The following CSMD3 variants were observed in gnomAD, a reference collection of about 807,000 sequenced individuals.
CSMD3 encodes the protein CUB and sushi domain-containing protein 3.
Under a neutral mutation model 435.2 loss-of-function variants are expected in CSMD3, and 177 were observed. The ratio of observed to expected loss-of-function variants is 0.41; its 90% CI spans 0.36 to 0.46. The LOEUF (loss-of-function observed/expected upper bound fraction) is 0.46. Among genes scored for constraint, CSMD3 ranks in the 20% least tolerant of loss-of-function variants. CSMD3 has a pLI of 0.34. For missense variants in CSMD3, 4,265 were observed against 4,504.6 expected (o/e 0.95, Z 1.52); for synonymous variants, 1,656 against 1,520.5 (o/e 1.09, Z -2.07).
chr8:113,266,867 T>A (rs2093476004), intron 3 of CSMD3, among the ~76,000 whole-genome samples: 1 of 151,562 alleles, frequency 6.6e-6, no homozygotes. Flanking sequence ...TGAACTAATA[T>A]GTCCAGAATA....
intron 4 of CSMD3, among the ~76,000 whole-genome samples, chr8:113,126,509 A>G (rs941372623): frequency 3.3e-5 from 5 of 152,052 alleles, no homozygotes; most frequent in African/African-American, 1.2e-4. Context: ...GTTGATGTTA[A>G]AAGAATAGAC....
rs2130380401 is a variant in CSMD3 at position 112,263,646 on chromosome 8, C to G, written c.9855G>C (p.Gln3285His). ...AGTAGAAATCATACTTACGTAAGCA[C>G]TGCGGTACTTCACCACTCCAGGTAC... Reference protein sequence around the residue: ...GNGTWSGEVPQCLPKFCGDPG... With the variant: ...GNGTWSGEVPHCLPKFCGDPG... Residue 3285 changes from glutamine to histidine, a missense_variant, in exon 61 of 71, where the codon CAG (glutamine) becomes CAC (histidine). Around this residue, in one of 3 missense-constraint regions of CSMD3, gnomAD observed 3,255 missense variants for 3,380.2 expected, o/e 0.96. Coordinates refer to ENST00000297405, the MANE Select transcript of CSMD3 (RefSeq NM_198123.2). 4 of 1,613,178 alleles carry G rather than the reference C, an allele frequency of 2.5e-6. No homozygotes were observed. The highest frequency in any genetic ancestry group is 3.4e-6 in the Non-Finnish European group (4 of 1,179,432).
chr8:113,005,326 T>C (rs1323030289), intron 6 of CSMD3, among the ~76,000 whole-genome samples: 1 of 151,964 alleles, frequency 6.6e-6, no homozygotes, highest in Admixed American at 6.6e-5. Context: ...AAAAATGTCA[T>C]CTTAGGACAG....
chr8:112,686,467 C>T (rs1035587303), intron 14 of CSMD3, among the ~76,000 whole-genome samples: 1 of 151,372 alleles, frequency 6.6e-6, no homozygotes, highest in African/African-American at 2.4e-5. Context: ...GATATATTAT[C>T]TTCCAAAGTT....
At position 112,336,712 on chromosome 8, in the gene CSMD3, C is replaced by T. The variant is rs760003762; in HGVS notation, c.6959G>A (p.Gly2320Asp). 2 of 1,613,182 alleles carry T rather than the reference C, an allele frequency of 1.2e-6. No homozygotes were observed. Residue 2320 changes from glycine to aspartate, a missense_variant, in exon 44 of 71, where the codon GGC (glycine) becomes GAC (aspartate). Gly to Asp is a moderately conservative substitution (Grantham distance 94). Coordinates refer to ENST00000297405, the MANE Select transcript of CSMD3 (RefSeq NM_198123.2). ...FWLVRVPPGN[G>D]IYINFTVLQT... ...AAGGACAGTAAAATTGATGTAGATGCCATTCCCAGGGGGTACTCTTACAAG... is the reference window on the plus strand; with the variant it reads ...AAGGACAGTAAAATTGATGTAGATGTCATTCCCAGGGGGTACTCTTACAAG...
intron 4 of CSMD3, among the ~76,000 whole-genome samples, chr8:113,169,607 T>C (rs1191333735): frequency 1.3e-5 from 2 of 152,210 alleles, no homozygotes; most frequent in Non-Finnish European, 1.5e-5. Flanking sequence ...GACTGCCTTC[T>C]TAAATCTTAA....
intron 3 of CSMD3, among the ~76,000 whole-genome samples, chr8:113,181,467 C>T (rs989521893): frequency 2.0e-5 from 3 of 151,924 alleles, no homozygotes; most frequent in Non-Finnish European, 4.4e-5. Flanking sequence ...ATACTTTGCA[C>T]CATATACAAG....
rs2075998462 is a variant in CSMD3, at chr8:112,685,835, G to A, written c.2156-103C>T. ...TTATGATAATCAATTAGCAGTATAA[G>A]ATAATATTAAATTATGTAAATTATA... On this transcript the variant is annotated intron_variant, in intron 14 of 70. Coordinates refer to ENST00000297405, the MANE Select transcript of CSMD3 (RefSeq NM_198123.2). 3 of 771,944 alleles carry A rather than the reference G, an allele frequency of 3.9e-6. No individual in the cohort carries two copies. In the East Asian group the frequency reaches 8.1e-5, roughly 21 times the overall value. 47.8% of individuals were successfully genotyped at this position (771,944 alleles called of 1,614,324 possible). A position where few individuals can be genotyped will look rare whatever the true frequency, so the allele number is the denominator to read the frequency against.
chr8:113,114,361 G>A (rs2090758962), intron 4 of CSMD3, among the ~76,000 whole-genome samples: 1 of 152,106 alleles, frequency 6.6e-6, no homozygotes, highest in African/African-American at 2.4e-5. Flanking sequence ...AATTTTCTGA[G>A]GAATTTGAAA....
intron 6 of CSMD3, among the ~76,000 whole-genome samples, chr8:113,018,536 A>T (rs1294924821): frequency 1.3e-5 from 2 of 152,174 alleles, no homozygotes; most frequent in Non-Finnish European, 2.9e-5. Context: ...CTACATTTTC[A>T]TTAGTACTCC....
intron 3 of CSMD3, among the ~76,000 whole-genome samples, chr8:113,186,325 T>C (rs1243341254): frequency 1.3e-5 from 2 of 152,070 alleles, no homozygotes; most frequent in Non-Finnish European, 2.9e-5. Context: ...GAGAAGGTTC[T>C]ACCACCATTC....
rs143895303 is a variant in CSMD3, at chr8:112,288,032, A to AAGAGAGAGAGAG, written c.9149-798_9149-787dup. 2.0e-4 allele frequency among the ~76,000 whole-genome samples: 30 copies of AAGAGAGAGAGAG among 149,716 alleles called. No individual in the cohort carries two copies. In the East Asian group the frequency reaches 2.2e-3, roughly 11 times the overall value. On this transcript the variant is annotated intron_variant, in intron 57 of 70. Coordinates refer to ENST00000297405, the MANE Select transcript of CSMD3 (RefSeq NM_198123.2). Reference sequence around the variant, plus strand: ...AGAGAGAGTGAGCGAGCTAGAGAGAAAGAGAGAGAGAGAGAGAGAAGGGTT... The same window carrying AAGAGAGAGAGAG: ...AGAGAGAGTGAGCGAGCTAGAGAGAAAGAGAGAGAGAGAGAGAGAGAGAGAGAGAGAAGGGTT...
At chr8:112,945,554 T>C (rs962600934) in intron 9 of CSMD3, among the ~76,000 whole-genome samples, 3 of 150,858 alleles carry the variant, frequency 2.0e-5, no homozygotes, top group African/African-American at 7.3e-5. Flanking sequence ...TGTGTAGGTT[T>C]AAGTTGCCAA....
chr8:113,013,029 T>C (rs2086314314), intron 6 of CSMD3, among the ~76,000 whole-genome samples: 1 of 151,982 alleles, frequency 6.6e-6, no homozygotes, highest in Admixed American at 6.6e-5. Flanking sequence ...AAAAAATATA[T>C]CATTGAACAT....
chr8:112,470,468 G>A (rs978985203), intron 32 of CSMD3, among the ~76,000 whole-genome samples: 2 of 152,142 alleles, frequency 1.3e-5, no homozygotes, highest in East Asian at 1.9e-4. Context: ...ATTTATCATT[G>A]CTACTTTAGA....
At chr8:112,831,066 C>T (rs1303553837) in intron 11 of CSMD3, among the ~76,000 whole-genome samples, 1 of 152,014 alleles carries the variant, frequency 6.6e-6, no homozygotes, top group Non-Finnish European at 1.5e-5. Flanking sequence ...GGATTACAGG[C>T]GTGAGCCACT....
At chr8:112,447,051 C>T (rs1227420968) in intron 32 of CSMD3, among the ~76,000 whole-genome samples, 1 of 152,036 alleles carries the variant, frequency 6.6e-6, no homozygotes, top group Non-Finnish European at 1.5e-5. Flanking sequence ...GTGTAATACT[C>T]ATTATATCTC....
chr8:112,610,500 C>A (rs183389967), intron 22 of CSMD3, among the ~76,000 whole-genome samples: 2 of 152,126 alleles, frequency 1.3e-5, no homozygotes, highest in East Asian at 3.9e-4. Flanking sequence ...ATGGGACTTC[C>A]CCAGCTGTTT....
chr8:112,561,934 CTG>C (rs900847978), intron 24 of CSMD3, among the ~76,000 whole-genome samples: 1 of 151,582 alleles, frequency 6.6e-6, no homozygotes, highest in Non-Finnish European at 1.5e-5. Flanking sequence ...TTTAACTACT[CTG>C]TGGTATTCCG....
Sources: allele counts gnomAD v4.1 joint callset (sites outside exome capture counted in the v4.1 genomes callset), GRCh38; gene constraint gnomAD v4.1.1; regional missense constraint gnomAD v4.1.1; transcripts MANE v1.5; gene names NCBI Gene and HGNC (gene_info 2026-07-23, HGNC 2026-07-21).